TMC5: variants seen among roughly 807,000 people sequenced by gnomAD.
TMC5 encodes the protein transmembrane channel like 5, also known as transmembrane channel-like protein 5.
TMC5 carries 86 observed loss-of-function variants against 110.5 expected under a neutral mutation model. The observed-to-expected ratio is 0.78, with a 90% CI of 0.65 to 0.93. TMC5 has a LOEUF of 0.93. Among genes scored for constraint, TMC5 ranks in the 40% least tolerant of loss-of-function variants. The probability of loss-of-function intolerance (pLI) is 0.00; values close to 1 mark genes in which losing one functional copy is unlikely to be tolerated. For missense variants in TMC5, 1,144 were observed against 1,222.8 expected (o/e 0.94, Z 0.96); for synonymous variants, 455 against 439.5 (o/e 1.04, Z -0.44).
At chr16:19,477,382 C>A in intron 12 of TMC5, 58 bp from the exon 13 acceptor site, 2 of 1,320,814 alleles carry the variant, frequency 1.5e-6, no homozygotes, top group Non-Finnish European at 2.2e-6. Context: ...GAGCTATTTG[C>A]AGACAGAATG....
intron 9 of TMC5, among the ~76,000 whole-genome samples, chr16:19,467,767 C>A (rs1968227159): frequency 6.6e-6 from 1 of 152,100 alleles, no homozygotes; most frequent in Admixed American, 6.6e-5. Flanking sequence ...CAGGCGTGAG[C>A]CACTGCGCCC....
chr16:19,448,659 ATTATATT>A (rs891826729), intron 4 of TMC5, among the ~76,000 whole-genome samples: 1 of 139,024 alleles, frequency 7.2e-6, no homozygotes, highest in African/African-American at 2.7e-5. Flanking sequence ...AATTTTTTAT[ATTATATT>A]TTATATTAAA....
intron 6 of TMC5, 49 bp downstream of exon 6, chr16:19,460,383 A>C: frequency 1.5e-6 from 2 of 1,305,664 alleles, no homozygotes; most frequent in Non-Finnish European, 2.2e-6. Flanking sequence ...GCGAACCTCA[A>C]TCCTCTACTT....
chr16:19,417,097 A>AAAAG (rs1966882205), upstream of TMC5, among the ~76,000 whole-genome samples: 1 of 148,834 alleles, frequency 6.7e-6, no homozygotes. Flanking sequence ...CAGTCTTCAA[A>AAAAG]AAAAAAAAAA....
At chr16:19,487,094 A>G in intron 16 of TMC5, 74 bp downstream of exon 16, 1 of 1,609,154 alleles carries the variant, frequency 6.2e-7, no homozygotes, top group Non-Finnish European at 8.5e-7. Context: ...AAAGCTGGGG[A>G]AGGGGGCTCT....
chr16:19,441,354 A>G (rs927465815), intron 3 of TMC5, among the ~76,000 whole-genome samples: 1 of 142,258 alleles, frequency 7.0e-6, no homozygotes, highest in South Asian at 2.2e-4. Context: ...GGGTCTTGCT[A>G]TGTCACCCAG....
chr16:19,444,287 A>C, intron 4 of TMC5, 37 bp downstream of exon 4: 1 of 1,599,444 alleles, frequency 6.3e-7, no homozygotes, highest in South Asian at 1.1e-5. Flanking sequence ...ATCCTGGGAA[A>C]AAACTGAAAT....
chr16:19,449,769 A>G (rs1967705933), intron 5 of TMC5, 138 bp downstream of exon 5: 1 of 710,148 alleles, frequency 1.4e-6, no homozygotes, highest in Non-Finnish European at 2.5e-6. Context: ...CATGATATTG[A>G]GGGAGTTCCC....
rs778928770 is a variant in TMC5, at chr16:19,481,349, A to T, written c.2268-21A>T. The T allele has an allele frequency of 1.5e-5, 24 of 1,578,490 alleles. 1 individual carries two copies. In the South Asian group the frequency reaches 2.5e-4, roughly 17 times the overall value. ...AAGTGGGAGTTATGGTTTGGGTACT[A>T]AACTCAGTATGTTTTCACAGAATCA... On this transcript the variant is annotated intron_variant, in intron 14 of 21. Transcript: ENST00000542583.
chr16:19,463,035 G>C (rs1484690496), intron 6 of TMC5, among the ~76,000 whole-genome samples: 1 of 152,046 alleles, frequency 6.6e-6, no homozygotes, highest in African/African-American at 2.4e-5. Context: ...ACAGCCTCTG[G>C]AGTAGCTGGG....
chr16:19,464,795 A>AT (rs1327806261), intron 8 of TMC5, among the ~76,000 whole-genome samples: 1 of 151,048 alleles, frequency 6.6e-6, no homozygotes, highest in African/African-American at 2.4e-5. Flanking sequence ...TTCATTTTAT[A>AT]TTTTTTTCTT....
At chr16:19,425,530 C>G (rs1424728399) in intron 1 of TMC5, among the ~76,000 whole-genome samples, 2 of 152,096 alleles carry the variant, frequency 1.3e-5, no homozygotes, top group Non-Finnish European at 2.9e-5. Context: ...CCAGTTCTTA[C>G]TCATTCTCTT....
intron 2 of TMC5, among the ~76,000 whole-genome samples, chr16:19,439,744 G>A (rs1967436513): frequency 6.6e-6 from 1 of 152,294 alleles, no homozygotes; most frequent in African/African-American, 2.4e-5. Context: ...TAACAGCACA[G>A]CTGGGAAGTT....
At chr16:19,443,996 A>AATGGGTGGATGGATGGATGG (rs1967552504) in intron 3 of TMC5, 85 bp from the exon 4 acceptor site, 1 of 1,150,296 alleles carries the variant, frequency 8.7e-7, no homozygotes, top group African/African-American at 1.6e-5. Flanking sequence ...TACATGATTG[A>AATGGGTGGATGGATGGATGG]ATGGATGGAT....
At chr16:19,411,272 A>G (rs1407444101) in intron 1 of TMC5, 3 of 152,208 alleles carry the variant, frequency 2.0e-5, no homozygotes, top group African/African-American at 7.2e-5. Flanking sequence ...CAGGTTACTT[A>G]TGCTCTCTGG....
At chr16:19,456,248 A>G (rs1240336413) in intron 5 of TMC5, among the ~76,000 whole-genome samples, 3 of 148,018 alleles carry the variant, frequency 2.0e-5, no homozygotes, top group Non-Finnish European at 4.4e-5. Flanking sequence ...GAATATATAT[A>G]TGTATATTTA....
intron 2 of TMC5, among the ~76,000 whole-genome samples, chr16:19,437,672 G>A (rs948190942): frequency 6.6e-6 from 1 of 152,088 alleles, no homozygotes; most frequent in Non-Finnish European, 1.5e-5. Flanking sequence ...TCATCATGCT[G>A]GCTTGAAACT....
chr16:19,478,701 T>A (rs1968545472), intron 13 of TMC5, among the ~76,000 whole-genome samples: 1 of 152,210 alleles, frequency 6.6e-6, no homozygotes. Flanking sequence ...CATTCATGCA[T>A]GCATCCATCT....
At position 19,466,012 on chromosome 16, in the gene TMC5, C is replaced by T. The variant is rs1342154449; in HGVS notation, c.1486-70C>T. On this transcript the variant is annotated intron_variant, in intron 8 of 21. Transcript: ENST00000542583. ...TTCTTGTATTCAGGAGAGGTCAACT[C>T]TCATGACCATAATCGTTTACCTTTT... 8 of 1,556,076 alleles carry T rather than the reference C, an allele frequency of 5.1e-6. No individual in the cohort carries two copies. The East Asian group carries it at 1.8e-4, about 35-fold the overall frequency.
Sources: allele counts gnomAD v4.1 joint callset (sites outside exome capture counted in the v4.1 genomes callset), GRCh38; gene constraint gnomAD v4.1.1; transcripts MANE v1.5; gene names NCBI Gene and HGNC (gene_info 2026-07-23, HGNC 2026-07-21).